Variants in CASQ2 observed in about 807,000 individuals in gnomAD.
CASQ2 encodes the protein calsequestrin-2.
In CASQ2, 49 loss-of-function variants were observed where a neutral mutation model predicts 46.5. That is an observed-to-expected ratio of 1.05 (90% CI 0.84 to 1.34). CASQ2 has a LOEUF of 1.34. Among genes scored for constraint, CASQ2 ranks in the 40% most tolerant of loss-of-function variants. The pLI, the probability that CASQ2 is intolerant of heterozygous loss-of-function variation, is 0.00. For synonymous variants in CASQ2, 174 were observed against 168.5 expected (o/e 1.03, Z -0.25); for missense variants, 486 against 481.3 (o/e 1.01, Z -0.09).
At chr1:115,711,711 A>G (rs1421483031) in intron 8 of CASQ2, among the ~76,000 whole-genome samples, 1 of 151,318 alleles carries the variant, frequency 6.6e-6, no homozygotes, top group Admixed American at 6.6e-5. Flanking sequence ...CTGGAGTGCA[A>G]TGGTGTGGTC....
chr1:115,733,135 C>T (rs1279617894), intron 4 of CASQ2, among the ~76,000 whole-genome samples, 161 bp from the exon 5 acceptor site: 1 of 152,102 alleles, frequency 6.6e-6, no homozygotes, highest in African/African-American at 2.4e-5. Flanking sequence ...TATTTAAGCC[C>T]ATAGTTCCCC....
At chr1:115,718,007 T>G (rs1447394043) in intron 7 of CASQ2, 113 bp from the exon 8 acceptor site, 1 of 787,172 alleles carries the variant, frequency 1.3e-6, no homozygotes, top group East Asian at 2.5e-5. Context: ...GGGAGAGGTG[T>G]GGAAGCGGGG....
chr1:115,734,508 C>T (rs779415029), intron 4 of CASQ2, among the ~76,000 whole-genome samples: 11 of 152,182 alleles, frequency 7.2e-5, no homozygotes, highest in Admixed American at 1.3e-4. Flanking sequence ...TGTGGCTTGA[C>T]CTTTAGCCTC....
chr1:115,723,872 A>G (rs1437448222), intron 7 of CASQ2, among the ~76,000 whole-genome samples: 3 of 152,188 alleles, frequency 2.0e-5, no homozygotes, highest in Non-Finnish European at 4.4e-5. Context: ...AAAGGTTTAA[A>G]TGTTAGGAAA....
At chr1:115,757,526 C>T (rs561853116) in intron 1 of CASQ2, among the ~76,000 whole-genome samples, 25 of 152,196 alleles carry the variant, frequency 1.6e-4, no homozygotes, top group Admixed American at 1.4e-3. Flanking sequence ...AGCGTTTCCA[C>T]GCAGCTCCAT....
chr1:115,740,321 G>C (rs1208823985), intron 3 of CASQ2, among the ~76,000 whole-genome samples: 1 of 152,140 alleles, frequency 6.6e-6, no homozygotes, highest in Non-Finnish European at 1.5e-5. Flanking sequence ...TCTCTATGTT[G>C]CTCTGAGGGT....
At chr1:115,748,194 T>A (rs539509480) in intron 1 of CASQ2, among the ~76,000 whole-genome samples, 1 of 152,352 alleles carries the variant, frequency 6.6e-6, no homozygotes, top group Admixed American at 6.5e-5. Context: ...TATAAATCCC[T>A]CTACTTTCTT....
intron 2 of CASQ2, among the ~76,000 whole-genome samples, chr1:115,742,768 C>CTGTT (rs35672650): frequency 0.16 from 23,680 of 150,400 alleles, 1,902 homozygotes; most frequent in Admixed American, 0.19. Context: ...ACTCATTAAA[C>CTGTT]TGTTTGTTTG....
chr1:115,759,578 AC>A (rs1347122133), intron 1 of CASQ2, among the ~76,000 whole-genome samples: 1 of 152,212 alleles, frequency 6.6e-6, no homozygotes, highest in African/African-American at 2.4e-5. Context: ...TTTATAGATG[AC>A]CCAGCCTCAG....
chr1:115,742,768 C>CTGTTTGTT (rs35672650), intron 2 of CASQ2, among the ~76,000 whole-genome samples: 2,165 of 150,466 alleles, frequency 0.014, 51 homozygotes, highest in South Asian at 0.02. Flanking sequence ...ACTCATTAAA[C>CTGTTTGTT]TGTTTGTTTG....
At chr1:115,707,169 A>C (rs1654392676) in intron 8 of CASQ2, among the ~76,000 whole-genome samples, 2 of 151,946 alleles carry the variant, frequency 1.3e-5, no homozygotes, top group Non-Finnish European at 2.9e-5. Flanking sequence ...GGTGTGTGCC[A>C]CTATGCCCAG....
rs1299140156 is a variant in CASQ2 at position 115,739,124 on chromosome 1, C to CTTTTTTTTTTTTTTTTTTTTTTTTT, written c.421-790_421-789insAAAAAAAAAAAAAAAAAAAAAAAAA. On this transcript the variant is annotated intron_variant, in intron 3 of 10. Transcript: ENST00000261448. ...ATGTATAGCACATTTTCTTTTCTTT[C>CTTTTTTTTTTTTTTTTTTTTTTTTT]TTTTTGAGATGGAGTCATGCTGTGT... Among the ~76,000 whole-genome samples the CTTTTTTTTTTTTTTTTTTTTTTTTT allele has an allele frequency of 1.9e-4, 19 of 99,580 alleles. 3 individuals carry two copies. Among genetic ancestry groups the CTTTTTTTTTTTTTTTTTTTTTTTTT allele is most frequent in the Non-Finnish European group, 3.5e-4 (16 of 45,214 alleles). The allele number at this position is 99,580 out of a possible 152,430, so 65.3% of individuals were successfully genotyped here.
chr1:115,749,853 G>T (rs1391490009), intron 1 of CASQ2, among the ~76,000 whole-genome samples: 1 of 152,132 alleles, frequency 6.6e-6, no homozygotes, highest in Non-Finnish European at 1.5e-5. Flanking sequence ...TTCTCAGGTC[G>T]CTACCAGTCC....
intron 7 of CASQ2, among the ~76,000 whole-genome samples, chr1:115,719,277 G>A (rs764306909): frequency 2.0e-4 from 30 of 146,736 alleles, no homozygotes; most frequent in African/African-American, 7.4e-4. Context: ...TACACAAATC[G>A]ACAGCAACCA....
At chr1:115,720,332 C>G (rs1356876498) in intron 7 of CASQ2, among the ~76,000 whole-genome samples, 1 of 152,164 alleles carries the variant, frequency 6.6e-6, no homozygotes, top group Non-Finnish European at 1.5e-5. Context: ...AAGGGACCAG[C>G]TAGCTCTCTG....
intron 5 of CASQ2, among the ~76,000 whole-genome samples, chr1:115,731,819 G>C (rs1287181528): frequency 6.6e-6 from 1 of 152,224 alleles, no homozygotes; most frequent in Non-Finnish European, 1.5e-5. Flanking sequence ...GATGAAGTGA[G>C]AAAATCCATG....
chr1:115,728,685 ATTCT>A (rs1214708339), intron 5 of CASQ2, among the ~76,000 whole-genome samples: 2 of 152,304 alleles, frequency 1.3e-5, no homozygotes, highest in African/African-American at 4.8e-5. Context: ...TTTTAGGTTG[ATTCT>A]TTGTTTAATT....
chr1:115,724,528 T>G (rs762017238), intron 7 of CASQ2, among the ~76,000 whole-genome samples: 1 of 152,228 alleles, frequency 6.6e-6, no homozygotes, highest in Non-Finnish European at 1.5e-5. Context: ...AATAAAAAGA[T>G]GCATGAAATG....
intron 1 of CASQ2, among the ~76,000 whole-genome samples, chr1:115,751,798 G>T (rs1047410613): frequency 6.6e-6 from 1 of 152,184 alleles, no homozygotes; most frequent in Non-Finnish European, 1.5e-5. Context: ...GATGAATACT[G>T]TGGATTAAAT....
Sources: allele counts gnomAD v4.1 joint callset (sites outside exome capture counted in the v4.1 genomes callset), GRCh38; gene constraint gnomAD v4.1.1; transcripts MANE v1.5; gene names NCBI Gene and HGNC (gene_info 2026-07-23, HGNC 2026-07-21).